Variants in THSD7B observed in about 807,000 individuals in gnomAD.
The protein encoded by THSD7B is thrombospondin type-1 domain-containing protein 7B.
A neutral mutation model predicts 213.6 loss-of-function variants in THSD7B; 138 were observed. The observed-to-expected ratio is 0.65, with a 90% CI of 0.56 to 0.74. The LOEUF (loss-of-function observed/expected upper bound fraction) is 0.74. Among genes scored for constraint, THSD7B ranks in the 30% least tolerant of loss-of-function variants. The pLI is 0.00. For synonymous variants in THSD7B, 742 were observed against 687.0 expected (o/e 1.08, Z -1.25); for missense variants, 1,931 against 1,991.5 (o/e 0.97, Z 0.58).
At chr2:137,380,188 G>A (rs1379292179) in intron 12 of THSD7B, among the ~76,000 whole-genome samples, 1 of 151,254 alleles carries the variant, frequency 6.6e-6, no homozygotes, top group East Asian at 2.0e-4. Context: ...AAGGTGAGAG[G>A]ATCACTTGAG....
At chr2:137,004,265 T>G (rs1686059230) in intron 2 of THSD7B, among the ~76,000 whole-genome samples, 1 of 146,946 alleles carries the variant, frequency 6.8e-6, no homozygotes, top group South Asian at 2.2e-4. Flanking sequence ...ACCTTCATCC[T>G]CCTTCCCGTG....
At chr2:137,116,235 G>A (rs375246927) in intron 5 of THSD7B, among the ~76,000 whole-genome samples, 4 of 152,312 alleles carry the variant, frequency 2.6e-5, no homozygotes, top group South Asian at 4.1e-4. Context: ...CTTACAGACT[G>A]CTTAGCATTT....
intron 3 of THSD7B, among the ~76,000 whole-genome samples, chr2:137,078,947 A>G (rs1475999949): frequency 6.6e-6 from 1 of 152,112 alleles, no homozygotes; most frequent in Non-Finnish European, 1.5e-5. Context: ...GTTTTATTGC[A>G]TTGTAAGTAG....
intron 2 of THSD7B, among the ~76,000 whole-genome samples, chr2:136,897,501 C>A (rs2105008231): frequency 6.6e-6 from 1 of 152,190 alleles, no homozygotes; most frequent in African/African-American, 2.4e-5. Flanking sequence ...GCCGCAGACC[C>A]TCGTGGTGAG....
In THSD7B at chr2:137,102,297, G is replaced by T. The variant is rs367548948; in HGVS notation, c.1199+7176G>T. 3.9e-5 allele frequency among the ~76,000 whole-genome samples: 6 copies of T among 152,324 alleles called. No homozygotes were observed. In the East Asian group the frequency reaches 9.7e-4, roughly 25 times the overall value. On this transcript the variant is annotated intron_variant, in intron 4 of 27. Transcript: ENST00000409968. ...ACTCCAGCAGACCTGCAGCAGAGGG[G>T]CCTGACTGTTAGAAAAACTAACAAA...
At chr2:137,439,177 A>T (rs971599821) in intron 14 of THSD7B, among the ~76,000 whole-genome samples, 5 of 152,094 alleles carry the variant, frequency 3.3e-5, no homozygotes, top group Non-Finnish European at 4.4e-5. Context: ...TGAAAGAATA[A>T]TTTTTTCTTT....
At chr2:136,805,851 G>T (rs1196350030) in intron 1 of THSD7B, among the ~76,000 whole-genome samples, 1 of 152,172 alleles carries the variant, frequency 6.6e-6, no homozygotes, top group Non-Finnish European at 1.5e-5. Flanking sequence ...TTCAGGTTAG[G>T]GGGTAGTAAC....
At chr2:137,171,549 A>G (rs1680252886) in intron 7 of THSD7B, among the ~76,000 whole-genome samples, 1 of 152,228 alleles carries the variant, frequency 6.6e-6, no homozygotes, top group Non-Finnish European at 1.5e-5. Context: ...GATTCAGAAA[A>G]CATGTGTCAT....
chr2:137,466,086 C>A (rs925930722), intron 15 of THSD7B, among the ~76,000 whole-genome samples: 3 of 152,022 alleles, frequency 2.0e-5, no homozygotes, highest in African/African-American at 7.2e-5. Context: ...AAGTATTATG[C>A]AGGTGGGTAA....
chr2:137,634,222 G>C (rs1682791863), intron 20 of THSD7B, among the ~76,000 whole-genome samples: 1 of 152,104 alleles, frequency 6.6e-6, no homozygotes, highest in African/African-American at 2.4e-5. Context: ...CCTTCTAGAT[G>C]TTGGTTTCTG....
intron 1 of THSD7B, among the ~76,000 whole-genome samples, chr2:136,851,156 G>C (rs1683093085): frequency 6.6e-6 from 1 of 151,924 alleles, no homozygotes; most frequent in East Asian, 1.9e-4. Context: ...GATCTTGCTT[G>C]ATACCTAACA....
At chr2:137,217,006 T>C (rs971789123) in intron 7 of THSD7B, among the ~76,000 whole-genome samples, 2 of 152,180 alleles carry the variant, frequency 1.3e-5, no homozygotes, top group Non-Finnish European at 2.9e-5. Context: ...GTCATCTTTT[T>C]CTTACCTAAA....
intron 15 of THSD7B, among the ~76,000 whole-genome samples, chr2:137,531,681 T>C (rs1449244727): frequency 6.6e-6 from 1 of 152,024 alleles, no homozygotes; most frequent in Non-Finnish European, 1.5e-5. Context: ...CTATGATTTC[T>C]GCATACAAAT....
chr2:137,443,420 T>G (rs1056757657), intron 14 of THSD7B, among the ~76,000 whole-genome samples: 1 of 152,158 alleles, frequency 6.6e-6, no homozygotes, highest in East Asian at 1.9e-4. Flanking sequence ...TATATTCATG[T>G]TATCTCAATT....
At chr2:136,800,432 T>G (rs1278056014) in intron 1 of THSD7B, among the ~76,000 whole-genome samples, 1 of 152,018 alleles carries the variant, frequency 6.6e-6, no homozygotes, top group Non-Finnish European at 1.5e-5. Context: ...TATCCATCAG[T>G]AGGCGAATAT....
chr2:137,561,295 G>T (rs1299500363), intron 15 of THSD7B, among the ~76,000 whole-genome samples: 6 of 152,074 alleles, frequency 3.9e-5, no homozygotes, highest in Non-Finnish European at 8.8e-5. Context: ...TTCATTTTTA[G>T]TTTGACCTTG....
intron 12 of THSD7B, among the ~76,000 whole-genome samples, chr2:137,289,285 T>TA (rs879697629): frequency 1.7e-4 from 24 of 141,494 alleles, no homozygotes; most frequent in South Asian, 6.8e-4. Context: ...AATCCTCAAT[T>TA]AAAAAAAAAA....
At chr2:137,476,331 G>A (rs984535418) in intron 15 of THSD7B, among the ~76,000 whole-genome samples, 7 of 151,920 alleles carry the variant, frequency 4.6e-5, no homozygotes, top group Admixed American at 2.0e-4. Context: ...ATATGGTTCC[G>A]TTTGTTTATT....
intron 19 of THSD7B, 35 bp from the exon 20 acceptor site, chr2:137,620,574 T>C (rs376639142): frequency 6.5e-6 from 10 of 1,529,572 alleles, no homozygotes; most frequent in East Asian, 2.3e-5. Context: ...AAGAGTGATT[T>C]CTCCAATAAA....
Sources: gnomAD v4.1 joint callset for allele counts (sites outside exome capture counted in the v4.1 genomes callset) on GRCh38, gnomAD v4.1.1 for gene constraint, MANE v1.5 for transcripts, NCBI Gene and HGNC (gene_info 2026-07-23, HGNC 2026-07-21) for gene names.